The following SEMA3A variants were observed in gnomAD, a reference collection of about 807,000 sequenced individuals.
SEMA3A encodes semaphorin 3A.
Under a neutral mutation model 97.9 loss-of-function variants are expected in SEMA3A, and 29 were observed. The ratio of observed to expected loss-of-function variants is 0.30; its 90% CI spans 0.22 to 0.40. SEMA3A has a LOEUF of 0.40. Ranked by LOEUF, SEMA3A falls within the 10% of genes least tolerant of loss-of-function variation. SEMA3A has a pLI of 1.00. For synonymous variants in SEMA3A, 321 were observed against 323.7 expected (o/e 0.99, Z 0.09); for missense variants, 763 against 951.3 (o/e 0.80, Z 2.60).
intron 2 of SEMA3A, among the ~76,000 whole-genome samples, chr7:84,359,405 T>C (rs1802653848): frequency 6.6e-6 from 1 of 152,074 alleles, no homozygotes; most frequent in Non-Finnish European, 1.5e-5. Context: ...ATCATGTGGT[T>C]TTTGTCCTTG....
At chr7:84,283,608 A>T (rs1800506977) in intron 3 of SEMA3A, among the ~76,000 whole-genome samples, 1 of 152,136 alleles carries the variant, frequency 6.6e-6, no homozygotes, top group South Asian at 2.1e-4. Context: ...GGCATAATAG[A>T]AACAAAGTAT....
At chr7:84,368,099 CAT>C (rs1278136688) in intron 2 of SEMA3A, among the ~76,000 whole-genome samples, 4 of 151,112 alleles carry the variant, frequency 2.6e-5, no homozygotes, top group African/African-American at 9.7e-5. Context: ...AAATTTATAA[CAT>C]AAAATATTTA....
intron 3 of SEMA3A, among the ~76,000 whole-genome samples, chr7:84,225,486 G>A (rs1436323859): frequency 2.0e-5 from 3 of 152,060 alleles, no homozygotes; most frequent in African/African-American, 7.2e-5. Flanking sequence ...GAGGTTTGTT[G>A]ATCTGCCATT....
intron 1 of SEMA3A, among the ~76,000 whole-genome samples, chr7:84,430,838 T>C (rs1361751680): frequency 1.3e-5 from 2 of 151,418 alleles, no homozygotes; most frequent in Non-Finnish European, 3.0e-5. Flanking sequence ...GATTATATTG[T>C]GTATTTTTAC....
intron 3 of SEMA3A, among the ~76,000 whole-genome samples, chr7:84,287,060 A>AT (rs1157794365): frequency 1.3e-5 from 2 of 152,084 alleles, no homozygotes; most frequent in Admixed American, 1.3e-4. Context: ...TAGTCAGGCT[A>AT]TTTTTATCTC....
intron 1 of SEMA3A, among the ~76,000 whole-genome samples, chr7:84,476,476 G>A (rs1806284925): frequency 6.6e-6 from 1 of 151,900 alleles, no homozygotes; most frequent in Non-Finnish European, 1.5e-5. Context: ...AGTAACACTT[G>A]AAGATAGTTT....
chr7:83,980,623 A>AAAAAAAAAAATATATATAT (rs1310318006), intron 14 of SEMA3A, among the ~76,000 whole-genome samples: 77 of 71,696 alleles, frequency 1.1e-3, no homozygotes, highest in Non-Finnish European at 1.6e-3. Context: ...AAAAAAAAAA[A>AAAAAAAAAAATATATATAT]ATATATATAT....
At chr7:84,107,417 G>A (rs1795145086) in intron 4 of SEMA3A, among the ~76,000 whole-genome samples, 2 of 152,082 alleles carry the variant, frequency 1.3e-5, no homozygotes, top group African/African-American at 4.8e-5. Flanking sequence ...AATTCCCCAG[G>A]TAATTGCATA....
intron 6 of SEMA3A, among the ~76,000 whole-genome samples, chr7:84,018,884 A>C (rs1791204894): frequency 2.0e-5 from 3 of 152,182 alleles, no homozygotes. Flanking sequence ...TTTTCAGAAG[A>C]TCACTCCTGC....
intron 3 of SEMA3A, among the ~76,000 whole-genome samples, chr7:84,268,249 A>AAG (rs775461046): frequency 1.5e-5 from 2 of 130,950 alleles, no homozygotes; most frequent in Admixed American, 7.8e-5. Context: ...AGACATAAGC[A>AAG]TGTGTGTGTG....
chr7:84,079,749 T>A (rs1357613410), intron 4 of SEMA3A, among the ~76,000 whole-genome samples: 2 of 112,344 alleles, frequency 1.8e-5, no homozygotes, highest in Admixed American at 1.7e-4. Context: ...TTTTACACTG[T>A]TGGTGGGACT....
At chr7:84,343,866 T>G (rs1802232039) in intron 2 of SEMA3A, among the ~76,000 whole-genome samples, 1 of 152,004 alleles carries the variant, frequency 6.6e-6, no homozygotes, top group Non-Finnish European at 1.5e-5. Context: ...AACAGTCACG[T>G]GTGGTGGCAT....
chr7:84,096,815 G>A (rs946674187), intron 4 of SEMA3A, among the ~76,000 whole-genome samples: 1 of 151,934 alleles, frequency 6.6e-6, no homozygotes, highest in Non-Finnish European at 1.5e-5. Context: ...GATAAAAATT[G>A]AGATATTTTG....
At position 84,113,233 on chromosome 7, in the gene SEMA3A, A is replaced by G. The variant is rs1427045257; in HGVS notation, c.334-2644T>C. On this transcript the variant is annotated intron_variant, in intron 3 of 16. Transcript: ENST00000265362. ...TGGAGGAGGAAAGTGCATTAAAAGA[A>G]CTGGACAGAGAAGAAGCAAAAATTT... is the stretch of plus-strand genomic sequence containing the variant. Among the ~76,000 whole-genome samples, 4 of 152,360 alleles carry G rather than the reference A, an allele frequency of 2.6e-5. No homozygotes were observed. The East Asian group carries it at 7.7e-4, about 29-fold the overall frequency.
intron 3 of SEMA3A, among the ~76,000 whole-genome samples, chr7:84,122,228 A>T (rs1441486120): frequency 6.6e-6 from 1 of 152,038 alleles, no homozygotes; most frequent in East Asian, 1.9e-4. Context: ...CAAATTTACA[A>T]GAAAAAAGTC....
intron 2 of SEMA3A, among the ~76,000 whole-genome samples, chr7:84,327,271 G>A (rs960429866): frequency 2.6e-5 from 4 of 151,684 alleles, no homozygotes; most frequent in Admixed American, 2.0e-4. Context: ...TAGGCCATTA[G>A]GTATGTTCAA....
chr7:84,205,456 C>G (rs1798468822), intron 3 of SEMA3A, among the ~76,000 whole-genome samples: 1 of 152,158 alleles, frequency 6.6e-6, no homozygotes, highest in African/African-American at 2.4e-5. Context: ...ATGCAACTAT[C>G]TTTTAACAGT....
intron 1 of SEMA3A, among the ~76,000 whole-genome samples, chr7:84,168,598 C>T (rs1797287606): frequency 6.6e-6 from 1 of 151,662 alleles, no homozygotes; most frequent in Non-Finnish European, 1.5e-5. Flanking sequence ...GACGTATTTT[C>T]CAAATTAAAA....
At chr7:84,108,369 A>T (rs1323903451) in intron 4 of SEMA3A, among the ~76,000 whole-genome samples, 2 of 151,982 alleles carry the variant, frequency 1.3e-5, no homozygotes, top group Non-Finnish European at 2.9e-5. Flanking sequence ...GAAAAAAGGC[A>T]ATGGGTCATA....
Sources: allele counts gnomAD v4.1 joint callset (sites outside exome capture counted in the v4.1 genomes callset), GRCh38; gene constraint gnomAD v4.1.1; transcripts MANE v1.5; gene names NCBI Gene and HGNC (gene_info 2026-07-23, HGNC 2026-07-21).